Variants in TENT5D observed in about 807,000 individuals in gnomAD.
TENT5D encodes terminal nucleotidyltransferase 5D, also known as cancer/testis antigen 112.
For synonymous variants in TENT5D, 103 were observed against 100.6 expected, an observed-to-expected ratio of 1.02 and a Z score of -0.15; for missense variants, 191 against 287.0, an observed-to-expected ratio of 0.67 and a Z score of 2.42.
chrX:80,390,325 G>A (rs1443037149), intron 3 of TENT5D, among the ~76,000 whole-genome samples: 1 of 111,317 alleles, frequency 9.0e-6, no homozygotes. Flanking sequence ...TGATTGCCTA[G>A]CAACATTATC....
At chrX:80,358,068 G>T (rs184079824) in intron 3 of TENT5D, among the ~76,000 whole-genome samples, 123 of 111,801 alleles carry the variant, frequency 1.1e-3, no homozygotes, top group African/African-American at 3.7e-3. Flanking sequence ...ATGGGGAAAG[G>T]ATTCCCTATT....
At chrX:80,420,043 A>T (rs1931855234), upstream of TENT5D, among the ~76,000 whole-genome samples, 1 of 111,784 alleles carries the variant, frequency 8.9e-6, no homozygotes, top group African/African-American at 3.2e-5. Flanking sequence ...AATTTTTTTT[A>T]AAACAAAAAC....
intron 3 of TENT5D, among the ~76,000 whole-genome samples, chrX:80,382,213 C>T (rs1455800754): frequency 8.9e-6 from 1 of 111,965 alleles, no homozygotes; most frequent in African/African-American, 3.3e-5. Flanking sequence ...CAGTCAGGTC[C>T]CTCAGCTGCA....
At chrX:80,398,329 T>C (rs1400893469) in intron 3 of TENT5D, among the ~76,000 whole-genome samples, 1 of 112,092 alleles carries the variant, frequency 8.9e-6, no homozygotes, top group Non-Finnish European at 1.9e-5. Flanking sequence ...AGCTTGCAAA[T>C]ATTTTCTACT....
rs748762113 is a variant in TENT5D, at chrX:80,443,650, C to G, written c.1111C>G (p.Pro371Ala). 17 of 1,206,458 alleles carry G rather than the reference C, an allele frequency of 1.4e-5. No homozygotes were observed. In the East Asian group the frequency reaches 1.8e-4, roughly 13 times the overall value. Residue 371 changes from proline (P) to alanine (A), a missense_variant, in exon 3 of 3, where the codon CCC becomes GCC. Transcript: ENST00000308293. ...TATTTATGTAATACCTGAGCCACCC[C>G]CCGTTAGCTTCCAGCCATACCACCC...
At chrX:80,423,325 T>A (rs180730962) in intron 1 of TENT5D, among the ~76,000 whole-genome samples, 229 of 111,719 alleles carry the variant, frequency 2.0e-3, no homozygotes, top group African/African-American at 6.9e-3. Context: ...GTTTTTTTTT[T>A]ATATTTAAGA....
At chrX:80,397,580 G>T (rs1931302830) in intron 3 of TENT5D, among the ~76,000 whole-genome samples, 1 of 111,858 alleles carries the variant, frequency 8.9e-6, no homozygotes, top group Non-Finnish European at 1.9e-5. Context: ...AAGGCAGGTG[G>T]CTGGGAGGTG....
At chrX:80,442,388 T>C in intron 2 of TENT5D, 134 bp from the exon 3 acceptor site, 3 of 428,475 alleles carry the variant, frequency 7.0e-6, no homozygotes, top group Non-Finnish European at 8.0e-6. Flanking sequence ...CATGATTAAA[T>C]ATATTGGTAA....
chrX:80,343,276 G>A (rs973973402), intron 3 of TENT5D, among the ~76,000 whole-genome samples: 1 of 111,022 alleles, frequency 9.0e-6, no homozygotes, highest in African/African-American at 3.3e-5. Flanking sequence ...CAGTCACTGT[G>A]GCATCCCCTA....
chrX:80,401,918 A>G (rs1226614560), intron 3 of TENT5D, among the ~76,000 whole-genome samples: 1 of 111,921 alleles, frequency 8.9e-6, no homozygotes, highest in Non-Finnish European at 1.9e-5. Context: ...CTGGCCTTAT[A>G]TAGTTTGGAA....
At chrX:80,357,401 C>A (rs1432587949) in intron 3 of TENT5D, among the ~76,000 whole-genome samples, 1 of 108,336 alleles carries the variant, frequency 9.2e-6, no homozygotes, top group South Asian at 4.2e-4. Flanking sequence ...GTTCCTATTT[C>A]TCCACATCCT....
chrX:80,382,553 C>G (rs1181008061), intron 3 of TENT5D, among the ~76,000 whole-genome samples: 1 of 112,259 alleles, frequency 8.9e-6, no homozygotes, highest in Non-Finnish European at 1.9e-5. Context: ...GCAGAAGTTT[C>G]TGCTACCTTT....
intron 3 of TENT5D, among the ~76,000 whole-genome samples, chrX:80,371,694 C>A (rs763914233): frequency 8.9e-6 from 1 of 112,134 alleles, no homozygotes; most frequent in Non-Finnish European, 1.9e-5. Context: ...TCTTCTGTAG[C>A]ATCCTCACTG....
intron 3 of TENT5D, among the ~76,000 whole-genome samples, chrX:80,402,702 C>A (rs898697482): frequency 6.3e-5 from 7 of 111,457 alleles, no homozygotes; most frequent in African/African-American, 2.0e-4. Context: ...TATATAATTT[C>A]TCCTGTTATT....
chrX:80,367,867 G>C (rs1930540969), intron 3 of TENT5D, among the ~76,000 whole-genome samples: 1 of 111,458 alleles, frequency 9.0e-6, no homozygotes, highest in Admixed American at 9.6e-5. Context: ...GTTGGAGAGG[G>C]GGAAGTAGTG....
intron 1 of TENT5D, among the ~76,000 whole-genome samples, chrX:80,434,786 T>G (rs371366676): frequency 0.013 from 1,363 of 104,269 alleles, 24 homozygotes; most frequent in African/African-American, 0.044. Flanking sequence ...TTTTCTTTGT[T>G]TTTTTTTTTT....
intron 3 of TENT5D, among the ~76,000 whole-genome samples, chrX:80,375,590 C>G (rs1442578054): frequency 9.0e-6 from 1 of 111,369 alleles, no homozygotes; most frequent in Non-Finnish European, 1.9e-5. Context: ...ATTCAGGTGA[C>G]CTTTTCATCC....
At chrX:80,345,626 A>G (rs959362525) in intron 3 of TENT5D, among the ~76,000 whole-genome samples, 1 of 111,624 alleles carries the variant, frequency 9.0e-6, no homozygotes, top group Non-Finnish European at 1.9e-5. Flanking sequence ...TAATTTTCCA[A>G]ACATATGAGT....
upstream of TENT5D, among the ~76,000 whole-genome samples, chrX:80,417,478 A>C (rs1192313703): frequency 1.9e-5 from 2 of 106,689 alleles, no homozygotes; most frequent in African/African-American, 6.9e-5. Flanking sequence ...CCCTATCTTC[A>C]GGACCTCTTC....
Sources: allele counts gnomAD v4.1 joint callset (sites outside exome capture counted in the v4.1 genomes callset), GRCh38; gene constraint gnomAD v4.1.1; transcripts MANE v1.5; gene names NCBI Gene and HGNC (gene_info 2026-07-23, HGNC 2026-07-21).